Variants in RFX4 observed in about 807,000 individuals in gnomAD.
RFX4 encodes the protein regulatory factor X4.
Under a neutral mutation model 95.0 loss-of-function variants are expected in RFX4, and 10 were observed. That is an observed-to-expected ratio of 0.11 (90% CI 0.06 to 0.18). The LOEUF is 0.18. Among genes scored for constraint, RFX4 ranks in the 10% least tolerant of loss-of-function variants. The probability of loss-of-function intolerance (pLI) is 1.00; values close to 1 mark genes in which losing one functional copy is unlikely to be tolerated. For missense variants in RFX4, 640 were observed against 922.0 expected, an observed-to-expected ratio of 0.69 and a Z score of 3.96; for synonymous variants, 321 against 340.7, an observed-to-expected ratio of 0.94 and a Z score of 0.64.
chr12:106,729,519 C>T (rs1277279576), intron 13 of RFX4, among the ~76,000 whole-genome samples: 1 of 152,184 alleles, frequency 6.6e-6, no homozygotes, highest in Non-Finnish European at 1.5e-5. Context: ...ACTTCAGAGT[C>T]AGACAGTCCA....
chr12:106,666,896 TG>T (rs1430379364), intron 4 of RFX4, among the ~76,000 whole-genome samples: 1 of 152,202 alleles, frequency 6.6e-6, no homozygotes, highest in African/African-American at 2.4e-5. Context: ...ATCCTTGCCT[TG>T]TCTGGTTCTG....
chr12:106,660,379 C>T (rs1217977588), intron 4 of RFX4, among the ~76,000 whole-genome samples: 1 of 151,872 alleles, frequency 6.6e-6, no homozygotes, highest in Non-Finnish European at 1.5e-5. Context: ...GAGCATCCCC[C>T]TCTCTCAGCC....
At chr12:106,689,174 T>G in intron 6 of RFX4, 113 bp from the exon 7 acceptor site, 2 of 886,414 alleles carry the variant, frequency 2.3e-6, no homozygotes, top group Non-Finnish European at 3.8e-6. Context: ...CGGTGTTAGG[T>G]GAATTGCATC....
rs1158887607 is a variant in RFX4 at position 106,642,621 on chromosome 12, A to C, written c.191+3229A>C. On this transcript the variant is annotated intron_variant, in intron 3 of 17. Transcript: ENST00000392842. Reference sequence around the variant, plus strand: ...AGAGCAAGACCCTGTCTCTATTTAAAAAAACAACTAATGATTGATAGATAA... The same window carrying C: ...AGAGCAAGACCCTGTCTCTATTTAACAAAACAACTAATGATTGATAGATAA... Among the ~76,000 whole-genome samples, 3 of 152,120 alleles carry C rather than the reference A, an allele frequency of 2.0e-5. No homozygotes were observed. The East Asian group carries it at 5.8e-4, about 29-fold the overall frequency.
At chr12:106,670,029 C>T (rs1386179240) in intron 4 of RFX4, among the ~76,000 whole-genome samples, 1 of 152,120 alleles carries the variant, frequency 6.6e-6, no homozygotes, top group Non-Finnish European at 1.5e-5. Flanking sequence ...TGATAGCAAT[C>T]AATCACCTGG....
In RFX4 at chr12:106,732,153, A is replaced by G; in HGVS notation, c.1375A>G (p.Met459Val). 1 of 1,613,784 alleles carries G rather than the reference A, an allele frequency of 6.2e-7. No individual in the cohort carries two copies. Among genetic ancestry groups the G allele is most frequent in the Non-Finnish European group, 8.5e-7 (1 of 1,179,788 alleles). The change falls in exon 14 of 18, where the codon ATG (methionine) becomes GTG (valine). Residue 459 changes from methionine to valine, a missense_variant. Met to Val is a conservative substitution (Grantham distance 21, BLOSUM62 1). Around this residue, in one of 7 missense-constraint regions of RFX4, gnomAD observed 20 missense variants for 52.3 expected, o/e 0.38. Transcript: ENST00000392842. ...AGGGTCTTTTCACCTAATTCACTTA[A>G]TGTTTGATGACTACGTGCTCTACCT... Reference protein sequence around the residue: ...SFGSFHLIHLMFDDYVLYLLE... With the variant: ...SFGSFHLIHLVFDDYVLYLLE...
At chr12:106,667,641 C>T (rs557359185) in intron 4 of RFX4, among the ~76,000 whole-genome samples, 2 of 152,280 alleles carry the variant, frequency 1.3e-5, no homozygotes, top group African/African-American at 2.4e-5. Context: ...AGGCAGTTCC[C>T]ACTCCTGAGT....
At chr12:106,589,614 A>C (rs2039509968) in intron 1 of RFX4, among the ~76,000 whole-genome samples, 1 of 152,206 alleles carries the variant, frequency 6.6e-6, no homozygotes, top group Admixed American at 6.5e-5. Flanking sequence ...AGAGCAGACT[A>C]GGCAACACTC....
chr12:106,587,736 G>C (rs1234165775), intron 1 of RFX4, among the ~76,000 whole-genome samples: 9 of 152,180 alleles, frequency 5.9e-5, no homozygotes, highest in African/African-American at 2.2e-4. Flanking sequence ...TCTTCCCCAC[G>C]ACCCGTGGGT....
chr12:106,740,802 G>T (rs895970572), intron 15 of RFX4, among the ~76,000 whole-genome samples: 2 of 129,590 alleles, frequency 1.5e-5, no homozygotes, highest in Admixed American at 1.5e-4. Context: ...ACGCATCTTA[G>T]TTGGTGGTCA....
chr12:106,748,500 G>A (rs973313717), intron 16 of RFX4, among the ~76,000 whole-genome samples: 5 of 152,128 alleles, frequency 3.3e-5, no homozygotes, highest in South Asian at 2.1e-4. Flanking sequence ...TTTCAAATAC[G>A]TGGAGTGATG....
At chr12:106,645,357 C>T (rs1416145634) in intron 3 of RFX4, among the ~76,000 whole-genome samples, 2 of 152,064 alleles carry the variant, frequency 1.3e-5, no homozygotes, top group East Asian at 3.9e-4. Flanking sequence ...CTCCGTGCCC[C>T]GCCCTCGCCC....
At chr12:106,703,902 C>T (rs764153984) in intron 8 of RFX4, among the ~76,000 whole-genome samples, 8 of 151,548 alleles carry the variant, frequency 5.3e-5, no homozygotes, top group Admixed American at 2.0e-4. Context: ...CCTGTCTCTA[C>T]GAAAAATACA....
Position 106,583,217 on chromosome 12 carries a change from C to T in RFX4, c.-104C>T, listed in dbSNP as rs2039399216. ...CTCACTTTCTGCGTCTCTCTCTCTCCCCTTCTCCCTCCCTCCCTCCCTTCC... is the reference window on the plus strand; with the variant it reads ...CTCACTTTCTGCGTCTCTCTCTCTCTCCTTCTCCCTCCCTCCCTCCCTTCC... On this transcript the variant is annotated 5_prime_UTR_variant, in exon 1 of 18. Coordinates refer to ENST00000392842, the MANE Select transcript of RFX4 (RefSeq NM_213594.3). 7.1e-6 allele frequency: 7 copies of T among 981,930 alleles called. No individual in the cohort carries two copies. In the South Asian group the frequency reaches 1.0e-4, roughly 15 times the overall value. 60.8% of individuals were successfully genotyped at this position (981,930 alleles called of 1,614,324 possible). A position where few individuals can be genotyped will look rare whatever the true frequency, so the allele number is the denominator to read the frequency against.
At chr12:106,730,618 C>G (rs1487361039) in intron 13 of RFX4, among the ~76,000 whole-genome samples, 5 of 152,024 alleles carry the variant, frequency 3.3e-5, no homozygotes, top group Non-Finnish European at 5.9e-5. Context: ...ACTCAATAAA[C>G]AGTAGATGTG....
chr12:106,729,948 C>T (rs2042579927), intron 13 of RFX4, among the ~76,000 whole-genome samples: 1 of 152,172 alleles, frequency 6.6e-6, no homozygotes, highest in Non-Finnish European at 1.5e-5. Context: ...AGTGATTGAG[C>T]AGAACCTGGA....
At chr12:106,649,636 C>T (rs1450392544) in intron 3 of RFX4, among the ~76,000 whole-genome samples, 3 of 152,108 alleles carry the variant, frequency 2.0e-5, no homozygotes, top group African/African-American at 7.2e-5. Context: ...TAATCTTGAC[C>T]TCTTGGCCAG....
intron 2 of RFX4, among the ~76,000 whole-genome samples, chr12:106,621,091 AT>A (rs776055686): frequency 3.3e-5 from 5 of 152,148 alleles, no homozygotes; most frequent in Non-Finnish European, 5.9e-5. Context: ...ATGTTTTACC[AT>A]CAATTTGTAC....
At chr12:106,709,247 A>T (rs1483184342) in intron 8 of RFX4, 83 bp from the exon 9 acceptor site, 4 of 1,057,326 alleles carry the variant, frequency 3.8e-6, no homozygotes, top group Non-Finnish European at 5.6e-6. Flanking sequence ...AAACATGATT[A>T]GGGGAAATAA....
Sources: allele counts gnomAD v4.1 joint callset (sites outside exome capture counted in the v4.1 genomes callset), GRCh38; gene constraint gnomAD v4.1.1; regional missense constraint gnomAD v4.1.1; transcripts MANE v1.5; gene names NCBI Gene and HGNC (gene_info 2026-07-23, HGNC 2026-07-21).